Variants in MEF2D observed in about 807,000 individuals in gnomAD.
The protein encoded by MEF2D is myocyte enhancer factor 2D.
MEF2D carries 10 observed loss-of-function variants against 59.3 expected under a neutral mutation model. The observed-to-expected ratio is 0.17, with a 90% CI of 0.10 to 0.29. MEF2D has a LOEUF of 0.29. Among genes scored for constraint, MEF2D ranks in the 10% least tolerant of loss-of-function variants. The probability of loss-of-function intolerance (pLI) is 1.00; values close to 1 mark genes in which losing one functional copy is unlikely to be tolerated. For missense variants in MEF2D, 508 were observed against 699.4 expected, an observed-to-expected ratio of 0.73 and a Z score of 3.09; for synonymous variants, 305 against 295.0, an observed-to-expected ratio of 1.03 and a Z score of -0.35.
chr1:156,464,356 AG>A lies in MEF2D; in HGVS notation c.*3288del, dbSNP rs1227398058. 7.7e-6 allele frequency: 1 copy of A among 130,390 alleles called. No individual in the cohort carries two copies. Among genetic ancestry groups the A allele is most frequent in the African/African-American group, 2.9e-5 (1 of 34,824 alleles). The allele number at this position is 130,390 out of a possible 1,614,324, so 8.1% of individuals were successfully genotyped here. On this transcript the variant is annotated 3_prime_UTR_variant, in exon 12 of 12. Coordinates refer to ENST00000348159, the MANE Select transcript of MEF2D (RefSeq NM_005920.4). ...AGGTGCATTACTTCCTTCCTGTCCAAGGTAGGGAGGGCTGGGAGGGGGTCAG... is the reference window on the plus strand; with the variant it reads ...AGGTGCATTACTTCCTTCCTGTCCAAGTAGGGAGGGCTGGGAGGGGGTCAG...
At chr1:156,497,809 G>A (rs886684538) in intron 1 of MEF2D, among the ~76,000 whole-genome samples, 1 of 152,126 alleles carries the variant, frequency 6.6e-6, no homozygotes, top group African/African-American at 2.4e-5. Flanking sequence ...ACCAGGGAGA[G>A]CAGGGGGCCC....
rs1027461348 is a variant in MEF2D at position 156,474,969 on chromosome 1, C to A, written c.1006+139G>T. 2.0e-5 allele frequency: 25 copies of A among 1,226,224 alleles called. No homozygotes were observed. The Admixed American group carries it at 3.9e-4, about 19-fold the overall frequency. 76.0% of individuals were successfully genotyped at this position (1,226,224 alleles called of 1,614,324 possible). ...TGCTTTTATTTGCTAAACCTGTTAA[C>A]CATAAGTAGGTGGGGGTTCCCCCAA... On this transcript the variant is annotated intron_variant, in intron 9 of 11. Coordinates refer to ENST00000348159, the MANE Select transcript of MEF2D (RefSeq NM_005920.4).
chr1:156,493,796 G>C (rs1280549815), intron 1 of MEF2D, among the ~76,000 whole-genome samples: 1 of 151,988 alleles, frequency 6.6e-6, no homozygotes, highest in Non-Finnish European at 1.5e-5. Context: ...GTCTACTCTT[G>C]ACTCCCCTGC....
chr1:156,497,071 C>T (rs966741110), intron 1 of MEF2D, among the ~76,000 whole-genome samples: 5 of 152,244 alleles, frequency 3.3e-5, no homozygotes, highest in African/African-American at 4.8e-5. Flanking sequence ...TCCCCCCCAG[C>T]TTCCCCACTG....
At chr1:156,488,098 G>T (rs556933425) in intron 1 of MEF2D, among the ~76,000 whole-genome samples, 1 of 152,336 alleles carries the variant, frequency 6.6e-6, no homozygotes, top group African/African-American at 2.4e-5. Context: ...GGCTCTCAAG[G>T]CTCTGGCTGA....
At chr1:156,493,594 C>T (rs534219030) in intron 1 of MEF2D, among the ~76,000 whole-genome samples, 1 of 152,290 alleles carries the variant, frequency 6.6e-6, no homozygotes, top group South Asian at 2.1e-4. Flanking sequence ...AGAGCAGTAC[C>T]TGCACAAGGC....
Position 156,467,979 on chromosome 1 carries a change from T to G in MEF2D, c.1554+14A>C. ...AGCAGACACTGGCAGACAGGAGAGG[T>G]GATGCTACAGTACCCAGGTATCAAG... On this transcript the variant is annotated intron_variant, in intron 11 of 11. Transcript: ENST00000348159. 6.2e-7 allele frequency: 1 copy of G among 1,601,048 alleles called. No individual in the cohort carries two copies.
chr1:156,483,096 C>T, intron 2 of MEF2D, 143 bp downstream of exon 2: 2 of 887,462 alleles, frequency 2.3e-6, no homozygotes, highest in Non-Finnish European at 1.8e-6. Flanking sequence ...TGGGGTTCCT[C>T]TTCTCCCAAT....
At chr1:156,482,072 C>T (rs1672057013) in intron 3 of MEF2D, among the ~76,000 whole-genome samples, 1 of 152,196 alleles carries the variant, frequency 6.6e-6, no homozygotes, top group African/African-American at 2.4e-5. Flanking sequence ...GAGGCAGGTG[C>T]AGGAGCACAC....
intron 1 of MEF2D, among the ~76,000 whole-genome samples, chr1:156,486,533 C>T (rs1192403597): frequency 6.6e-6 from 1 of 152,226 alleles, no homozygotes; most frequent in Middle Eastern, 3.2e-3. Flanking sequence ...CTATCTCCCT[C>T]TCACCACCTT....
intron 1 of MEF2D, chr1:156,490,703 G>T (rs1447027177): frequency 6.6e-6 from 1 of 152,258 alleles, no homozygotes; most frequent in Non-Finnish European, 1.5e-5. Flanking sequence ...GCAGGGCTGA[G>T]CCCTCCCCCT....
At chr1:156,475,619 C>T (rs928162882) in intron 8 of MEF2D, among the ~76,000 whole-genome samples, 4 of 152,230 alleles carry the variant, frequency 2.6e-5, no homozygotes, top group African/African-American at 7.2e-5. Context: ...CCGGCAGAGG[C>T]GTGCTGGCAT....
Position 156,475,208 on chromosome 1 carries a change from C to G in MEF2D, c.906G>C (p.Gln302His). Residue 302 changes from glutamine (Q) to histidine (H), a missense_variant, in exon 9 of 12, where the codon CAG (glutamine) becomes CAC (histidine). By Grantham distance (24) the Gln-to-His change is conservative. This residue lies in a region of MEF2D where 481 missense variants were observed against 584.7 expected (regional missense o/e 0.82). Coordinates refer to ENST00000348159, the MANE Select transcript of MEF2D (RefSeq NM_005920.4). Reference sequence around the variant, plus strand: ...CTGGGGTGGTGAGCGAATGAGTAGACTGGGAGACCCCAAGGCGCTGGGCAT... The same window carrying G: ...CTGGGGTGGTGAGCGAATGAGTAGAGTGGGAGACCCCAAGGCGCTGGGCAT... The part of the protein sequence containing the change: ...LNNAQRLGVS[Q>H]STHSLTTPVV... 1 of 1,613,534 alleles carries G rather than the reference C, an allele frequency of 6.2e-7. No individual in the cohort carries two copies. The highest frequency in any genetic ancestry group is 1.1e-5 in the South Asian group (1 of 91,004).
intron 1 of MEF2D, among the ~76,000 whole-genome samples, chr1:156,499,054 C>T (rs1673315914): frequency 6.6e-6 from 1 of 152,202 alleles, no homozygotes; most frequent in Non-Finnish European, 1.5e-5. Flanking sequence ...TGAGACCTTC[C>T]TGTTGGGGTT....
intron 9 of MEF2D, among the ~76,000 whole-genome samples, chr1:156,471,264 G>A (rs1389373135): frequency 6.6e-6 from 1 of 152,096 alleles, no homozygotes; most frequent in Non-Finnish European, 1.5e-5. Flanking sequence ...CCGAGTAGCT[G>A]GGATTATAGG....
chr1:156,482,734 T>C (rs139157215), intron 2 of MEF2D, 94 bp from the exon 3 acceptor site: 12 of 1,176,180 alleles, frequency 1.0e-5, no homozygotes, highest in African/African-American at 1.5e-5. Flanking sequence ...GCCCCTGCCC[T>C]CAGGAGCCCC....
intron 1 of MEF2D, chr1:156,490,736 C>G (rs1207979824): frequency 6.6e-6 from 1 of 152,322 alleles, no homozygotes; most frequent in East Asian, 1.9e-4. Flanking sequence ...ACAACTCTCC[C>G]GAGCCCCACC....
intron 4 of MEF2D, 27 bp downstream of exon 4, chr1:156,480,807 A>C: frequency 4.1e-5 from 66 of 1,594,274 alleles, no homozygotes; most frequent in Non-Finnish European, 5.6e-5. Context: ...AGGGGGGGCC[A>C]ACAGAGACAG....
intron 1 of MEF2D, among the ~76,000 whole-genome samples, chr1:156,498,190 G>A (rs1398530991): frequency 1.4e-5 from 2 of 147,620 alleles, no homozygotes; most frequent in Admixed American, 1.4e-4. Flanking sequence ...CAGCCTATGA[G>A]AAGAACCAGG....
Sources: allele counts gnomAD v4.1 joint callset (sites outside exome capture counted in the v4.1 genomes callset), GRCh38; gene constraint gnomAD v4.1.1; regional missense constraint gnomAD v4.1.1; transcripts MANE v1.5; gene names NCBI Gene and HGNC (gene_info 2026-07-23, HGNC 2026-07-21).